TMEM232: variants seen among roughly 807,000 people sequenced by gnomAD.
TMEM232 encodes transmembrane protein 232.
Under a neutral mutation model 78.8 loss-of-function variants are expected in TMEM232, and 80 were observed. The ratio of observed to expected loss-of-function variants is 1.01; its 90% CI spans 0.85 to 1.22. The LOEUF (loss-of-function observed/expected upper bound fraction) is 1.22, where lower values mean the gene tolerates loss of function less well. TMEM232 is among the 50% of genes most tolerant of loss of function. TMEM232 has a pLI of 0.00. For synonymous variants in TMEM232, 297 were observed against 254.3 expected (o/e 1.17, Z -1.60); for missense variants, 881 against 742.2 (o/e 1.19, Z -2.17).
At chr5:110,732,552 G>A (rs2150381087) in intron 2 of TMEM232, among the ~76,000 whole-genome samples, 1 of 152,276 alleles carries the variant, frequency 6.6e-6, no homozygotes, top group East Asian at 1.9e-4. Flanking sequence ...ATAAGAAAAA[G>A]CGGAAACCCC....
intron 1 of TMEM232, among the ~76,000 whole-genome samples, chr5:110,717,321 A>C (rs746480740): frequency 1.3e-5 from 2 of 152,138 alleles, no homozygotes; most frequent in Non-Finnish European, 2.9e-5. Context: ...CCAAGAATCC[A>C]AGATCTGAAT....
At chr5:110,537,259 A>G (rs1561651232) in intron 11 of TMEM232, among the ~76,000 whole-genome samples, 2 of 151,668 alleles carry the variant, frequency 1.3e-5, no homozygotes, top group African/African-American at 4.9e-5. Flanking sequence ...TTTGACCCTG[A>G]TAATCTAAAG....
At chr5:110,441,228 C>G (rs888398427) in intron 12 of TMEM232, among the ~76,000 whole-genome samples, 1 of 152,052 alleles carries the variant, frequency 6.6e-6, no homozygotes, top group African/African-American at 2.4e-5. Context: ...CTGGCCTCTG[C>G]CCACTAGATG....
chr5:110,516,468 T>A (rs951311184), intron 12 of TMEM232, among the ~76,000 whole-genome samples: 1 of 152,198 alleles, frequency 6.6e-6, no homozygotes, highest in Non-Finnish European at 1.5e-5. Context: ...TTCTCAGCCT[T>A]AAGGTAAACT....
chr5:110,687,528 C>A (rs528233506), intron 1 of TMEM232, among the ~76,000 whole-genome samples: 13 of 152,198 alleles, frequency 8.5e-5, no homozygotes, highest in African/African-American at 1.4e-4. Context: ...CCCTGTAATA[C>A]AACCTTATTG....
intron 2 of TMEM232, among the ~76,000 whole-genome samples, chr5:110,405,126 C>G (rs1755736906): frequency 6.6e-6 from 1 of 151,996 alleles, no homozygotes; most frequent in Non-Finnish European, 1.5e-5. Context: ...AATTGCATCT[C>G]AACTTTCTCT....
chr5:110,542,537 T>C (rs1773265136), intron 11 of TMEM232, among the ~76,000 whole-genome samples: 1 of 152,072 alleles, frequency 6.6e-6, no homozygotes, highest in African/African-American at 2.4e-5. Flanking sequence ...AGAATGAGAA[T>C]TCCATGATCC....
intron 11 of TMEM232, among the ~76,000 whole-genome samples, chr5:110,549,118 A>G (rs562000437): frequency 7.5e-4 from 114 of 152,262 alleles, no homozygotes; most frequent in Non-Finnish European, 1.2e-3. Context: ...CTAAAATTAC[A>G]TGTGAAAGTA....
intron 11 of TMEM232, among the ~76,000 whole-genome samples, chr5:110,533,265 C>G (rs1228471446): frequency 6.6e-6 from 1 of 152,158 alleles, no homozygotes; most frequent in African/African-American, 2.4e-5. Context: ...CATCTGTTAC[C>G]TATCTCGGCA....
intron 1 of TMEM232, among the ~76,000 whole-genome samples, chr5:110,716,570 T>C (rs1455929129): frequency 1.3e-5 from 2 of 152,138 alleles, no homozygotes; most frequent in South Asian, 2.1e-4. Flanking sequence ...GAGAATCTAA[T>C]GCTGCTGCTG....
Position 110,494,983 on chromosome 5 carries a change from T to C in TMEM232, c.1703+33605A>G, listed in dbSNP as rs369931685. On this transcript the variant is annotated intron_variant, in intron 12 of 13. Transcript: ENST00000455884. ...TGAAAGATAAACAAATTTGGGATAA[T>C]GGAATTAGAACTATGAAAGCAGTAG... Among the ~76,000 whole-genome samples the C allele has an allele frequency of 4.6e-5, 7 of 151,842 alleles. 1 individual carries two copies. Among genetic ancestry groups the C allele is most frequent in the East Asian group, 3.9e-4 (2 of 5,178 alleles).
At chr5:110,572,076 G>C (rs1777014142) in intron 10 of TMEM232, among the ~76,000 whole-genome samples, 1 of 151,998 alleles carries the variant, frequency 6.6e-6, no homozygotes, top group South Asian at 2.1e-4. Context: ...TATGGGGAAA[G>C]AGTCAGAAAT....
intron 2 of TMEM232, among the ~76,000 whole-genome samples, chr5:110,413,275 ACTCCAAGTT>A (rs1167584989): frequency 1.3e-5 from 2 of 151,852 alleles, no homozygotes; most frequent in African/African-American, 4.8e-5. Context: ...TGAACATTGG[ACTCCAAGTT>A]CTTTAGCTTT....
intron 2 of TMEM232, among the ~76,000 whole-genome samples, chr5:110,644,013 C>G (rs941869856): frequency 6.6e-6 from 1 of 151,914 alleles, no homozygotes; most frequent in African/African-American, 2.4e-5. Context: ...ATATCAGGCA[C>G]TAAGTTTTGC....
intron 1 of TMEM232, among the ~76,000 whole-genome samples, chr5:110,687,874 T>C (rs1050041358): frequency 2.6e-5 from 4 of 152,068 alleles, no homozygotes; most frequent in African/African-American, 9.7e-5. Context: ...AAAACACCAT[T>C]TGGAAATTTG....
intron 12 of TMEM232, among the ~76,000 whole-genome samples, chr5:110,515,814 T>C (rs1394605598): frequency 6.6e-6 from 1 of 152,188 alleles, no homozygotes; most frequent in Non-Finnish European, 1.5e-5. Flanking sequence ...AGCACTAGCC[T>C]TGGGTATGCC....
chr5:110,588,609 A>C (rs1371234436), intron 10 of TMEM232, among the ~76,000 whole-genome samples: 1 of 152,136 alleles, frequency 6.6e-6, no homozygotes, highest in African/African-American at 2.4e-5. Context: ...CGAGAAAATG[A>C]ATCGATTTAT....
intron 10 of TMEM232, among the ~76,000 whole-genome samples, chr5:110,603,181 C>A (rs188426285): frequency 3.9e-5 from 6 of 152,144 alleles, no homozygotes; most frequent in African/African-American, 1.2e-4. Flanking sequence ...AGGACAAATA[C>A]CTAATGCATG....
chr5:110,605,033 G>A, intron 10 of TMEM232, 76 bp downstream of exon 10: 1 of 1,362,490 alleles, frequency 7.3e-7, no homozygotes, highest in Non-Finnish European at 9.8e-7. Flanking sequence ...TTAACTTTGA[G>A]TAGAATGCTT....
Sources: gnomAD v4.1 joint callset for allele counts (sites outside exome capture counted in the v4.1 genomes callset) on GRCh38, gnomAD v4.1.1 for gene constraint, MANE v1.5 for transcripts, NCBI Gene and HGNC (gene_info 2026-07-23, HGNC 2026-07-21) for gene names.